MAF: variants seen among roughly 807,000 people sequenced by gnomAD.
The protein encoded by MAF is MAF bZIP transcription factor.
MAF carries 10 observed loss-of-function variants against 22.0 expected under a neutral mutation model. That is an observed-to-expected ratio of 0.45 (90% CI 0.28 to 0.77). MAF has a LOEUF of 0.77. MAF is among the 30% of genes least tolerant of loss of function. MAF has a pLI of 0.12. For missense variants in MAF, 544 were observed against 548.4 expected, an observed-to-expected ratio of 0.99 and a Z score of 0.08; for synonymous variants, 337 against 255.8, an observed-to-expected ratio of 1.32 and a Z score of -3.03.
the MAF span, among the ~76,000 whole-genome samples, chr16:79,325,306 T>C: frequency 1.3e-5 from 2 of 152,170 alleles, no homozygotes; most frequent in African/African-American, 2.4e-5. Flanking sequence ...CAACCGTGCA[T>C]GCAACTGGCA....
At chr16:79,308,062 G>C in the MAF span, among the ~76,000 whole-genome samples, 1 of 152,190 alleles carries the variant, frequency 6.6e-6, no homozygotes, top group Admixed American at 6.5e-5. Context: ...TGACAATGGT[G>C]ATAATATCTG....
downstream of MAF, among the ~76,000 whole-genome samples, chr16:79,583,382 G>C (rs574118532): frequency 1.3e-3 from 196 of 152,224 alleles, no homozygotes; most frequent in Non-Finnish European, 2.1e-3. Flanking sequence ...AATATCGATG[G>C]GTACTTAAGG....
At chr16:79,287,313 G>A in the MAF span, among the ~76,000 whole-genome samples, 7 of 152,136 alleles carry the variant, frequency 4.6e-5, no homozygotes, top group Non-Finnish European at 1.0e-4. Context: ...GTTCAGCTAG[G>A]GGCAGAGAGG....
At chr16:79,218,426 T>C in the MAF span, among the ~76,000 whole-genome samples, 2 of 152,234 alleles carry the variant, frequency 1.3e-5, no homozygotes, top group Non-Finnish European at 2.9e-5. Context: ...TTTCCTTCTA[T>C]CAATTGATCT....
chr16:79,229,322 T>C, the MAF span: 10,411 of 151,416 alleles, frequency 0.069, 542 homozygotes, highest in Middle Eastern at 0.16. Context: ...ATTTGGGGGA[T>C]GGCCTTGTGG....
chr16:79,569,249 G>C, the MAF span, among the ~76,000 whole-genome samples: 1 of 152,134 alleles, frequency 6.6e-6, no homozygotes, highest in Non-Finnish European at 1.5e-5. Context: ...ATTATCCCTC[G>C]TCTCAACCTC....
At chr16:79,399,356 G>T in the MAF span, among the ~76,000 whole-genome samples, 1 of 152,172 alleles carries the variant, frequency 6.6e-6, no homozygotes, top group Non-Finnish European at 1.5e-5. Flanking sequence ...ATCATCACAT[G>T]TCTTGAAAGG....
At chr16:79,465,144 G>T in the MAF span, among the ~76,000 whole-genome samples, 1 of 152,146 alleles carries the variant, frequency 6.6e-6, no homozygotes, top group Non-Finnish European at 1.5e-5. Flanking sequence ...ATGGGGAATT[G>T]GTTCCAGGGC....
At chr16:79,484,770 C>T in the MAF span, among the ~76,000 whole-genome samples, 6 of 152,070 alleles carry the variant, frequency 3.9e-5, no homozygotes, top group Non-Finnish European at 7.4e-5. Context: ...CTGGCAGCTG[C>T]GGAAAAGGGG....
the MAF span, among the ~76,000 whole-genome samples, chr16:79,288,046 T>C: frequency 8.5e-5 from 13 of 152,198 alleles, no homozygotes; most frequent in African/African-American, 3.1e-4. Context: ...TTTTCACTGC[T>C]TGTAATTACT....
chr16:79,480,442 A>T, the MAF span, among the ~76,000 whole-genome samples: 1 of 152,142 alleles, frequency 6.6e-6, no homozygotes, highest in Non-Finnish European at 1.5e-5. Context: ...CAAGGGAAGA[A>T]GGGGCAAAGA....
At chr16:79,277,540 T>A in the MAF span, among the ~76,000 whole-genome samples, 1 of 152,212 alleles carries the variant, frequency 6.6e-6, no homozygotes, top group African/African-American at 2.4e-5. Context: ...ACTATTATTA[T>A]CTCATTTAAC....
the MAF span, among the ~76,000 whole-genome samples, chr16:79,399,250 T>C: frequency 1.3e-5 from 2 of 152,214 alleles, no homozygotes; most frequent in African/African-American, 4.8e-5. Flanking sequence ...GATAGCATTA[T>C]GGGCTGTGCT....
the MAF span, among the ~76,000 whole-genome samples, chr16:79,270,098 G>C: frequency 4.6e-5 from 7 of 152,072 alleles, no homozygotes; most frequent in African/African-American, 1.5e-4. Context: ...TCTTCTCGGG[G>C]TGGGTGGAAG....
the MAF span, among the ~76,000 whole-genome samples, chr16:79,523,052 T>C: frequency 6.6e-6 from 1 of 152,234 alleles, no homozygotes; most frequent in Non-Finnish European, 1.5e-5. Context: ...AGAGTCATCA[T>C]AAAAATTTTA....
the MAF span, among the ~76,000 whole-genome samples, chr16:79,479,361 A>C: frequency 6.6e-6 from 1 of 152,218 alleles, no homozygotes; most frequent in Admixed American, 6.5e-5. Flanking sequence ...AAAATCCACT[A>C]TCATACCTTT....
At chr16:79,226,776 T>C in the MAF span, among the ~76,000 whole-genome samples, 7 of 152,228 alleles carry the variant, frequency 4.6e-5, no homozygotes, top group East Asian at 1.9e-4. Flanking sequence ...TATGCTCTAA[T>C]AGTTTTTAAA....
At chr16:79,586,096 G>A (rs1415083876) in intron 1 of MAF, among the ~76,000 whole-genome samples, 1 of 152,250 alleles carries the variant, frequency 6.6e-6, no homozygotes, top group African/African-American at 2.4e-5. Flanking sequence ...TTTGGGTGGT[G>A]GCCTCAACCC....
the MAF span, among the ~76,000 whole-genome samples, chr16:79,395,571 G>A: frequency 6.6e-6 from 1 of 152,102 alleles, no homozygotes; most frequent in Non-Finnish European, 1.5e-5. Context: ...ATGACGGGGG[G>A]CAGAGGTTGG....
Sources: allele counts gnomAD v4.1 joint callset (sites outside exome capture counted in the v4.1 genomes callset), GRCh38; gene constraint gnomAD v4.1.1; transcripts MANE v1.5; gene names NCBI Gene and HGNC (gene_info 2026-07-23, HGNC 2026-07-21).